The following VAPB variants were observed in gnomAD, a reference collection of about 807,000 sequenced individuals.
The protein encoded by VAPB is VAMP associated protein B and C.
Under a neutral mutation model 25.6 loss-of-function variants are expected in VAPB, and 7 were observed. The observed-to-expected ratio is 0.27, with a 90% CI of 0.16 to 0.51. VAPB has a LOEUF of 0.51. Among genes scored for constraint, VAPB ranks in the 20% least tolerant of loss-of-function variants. The pLI, the probability that VAPB is intolerant of heterozygous loss-of-function variation, is 0.97. For synonymous variants in VAPB, 112 were observed against 109.2 expected, an observed-to-expected ratio of 1.03 and a Z score of -0.16; for missense variants, 266 against 301.3, an observed-to-expected ratio of 0.88 and a Z score of 0.87.
At chr20:58,438,880 T>C (rs1989102935) in intron 3 of VAPB, 65 bp from the exon 4 acceptor site, 13 of 1,388,626 alleles carry the variant, frequency 9.4e-6, no homozygotes, top group Non-Finnish European at 1.1e-5. Flanking sequence ...TTGTCAGTTA[T>C]AGGAAGAAAG....
chr20:58,445,429 C>T lies in VAPB; in HGVS notation c.*1194C>T, dbSNP rs1363078992. 2.2e-6 allele frequency: 1 copy of T among 454,384 alleles called. No homozygotes were observed. Among genetic ancestry groups the T allele is most frequent in the East Asian group, 7.0e-5 (1 of 14,362 alleles). The allele number at this position is 454,384 out of a possible 1,614,324, so 28.1% of individuals were successfully genotyped here. A position where few individuals can be genotyped will look rare whatever the true frequency, so the allele number is the denominator to read the frequency against. On this transcript the variant is annotated 3_prime_UTR_variant, in exon 6 of 6. Transcript: ENST00000475243. ...GGAAGAGAGAAACTCTTCAGCGAATCCTTCTAGTACTAGTTGAGAGTTTGA... is the reference window on the plus strand; with the variant it reads ...GGAAGAGAGAAACTCTTCAGCGAATTCTTCTAGTACTAGTTGAGAGTTTGA...
rs1388018667 is a variant in VAPB at position 58,448,695 on chromosome 20, T to C, written c.*4460T>C. 1 of 453,764 alleles carries C rather than the reference T, an allele frequency of 2.2e-6. No homozygotes were observed. The highest frequency in any genetic ancestry group is 2.4e-5 in the Admixed American group (1 of 42,526). 28.1% of individuals were successfully genotyped at this position (453,764 alleles called of 1,614,324 possible). ...TGTCTGCCTCCGTACCTTATTCAGT[T>C]ATTTTCACACTAAAGTAAGTAGAAT... On this transcript the variant is annotated 3_prime_UTR_variant, in exon 6 of 6. Transcript: ENST00000475243.
chr20:58,414,878 G>A lies in VAPB; in HGVS notation c.59-3333G>A, dbSNP rs550994279. On this transcript the variant is annotated intron_variant, in intron 1 of 5. Coordinates refer to ENST00000475243, the MANE Select transcript of VAPB (RefSeq NM_004738.5). ...CTCTGGGAGGCCAAGGCAGGCGGCTGGGAGGTGGAGGTTGTAGCGAGCCGA... is the reference window on the plus strand; with the variant it reads ...CTCTGGGAGGCCAAGGCAGGCGGCTAGGAGGTGGAGGTTGTAGCGAGCCGA... Among the ~76,000 whole-genome samples the A allele has an allele frequency of 3.7e-4, 56 of 152,344 alleles. No individual in the cohort carries two copies. The East Asian group carries it at 0.01, about 28-fold the overall frequency.
At chr20:58,443,275 T>C (rs548898930) in intron 5 of VAPB, among the ~76,000 whole-genome samples, 1 of 152,142 alleles carries the variant, frequency 6.6e-6, no homozygotes, top group Non-Finnish European at 1.5e-5. Context: ...GATGAGTGTA[T>C]GAAGGCCAGT....
chr20:58,442,455 C>T (rs6100067), intron 5 of VAPB, among the ~76,000 whole-genome samples: 51,168 of 151,848 alleles, frequency 0.34, 8,956 homozygotes, highest in African/African-American at 0.36. Flanking sequence ...TTTAGTTTGC[C>T]GGGTTTTTTT....
intron 4 of VAPB, chr20:58,439,270 A>T (rs1989111915): frequency 3.9e-6 from 2 of 510,074 alleles, no homozygotes. Context: ...GGCCATTGAG[A>T]TGTCATAAAT....
rs1335215960 is a variant in VAPB, at chr20:58,446,877, C to A, written c.*2642C>A. ...CCTGGAGGACTTGGAGATGCATGCA[C>A]ATTTAGGGTGTTTTCCCTAGAATTA... On this transcript the variant is annotated 3_prime_UTR_variant, in exon 6 of 6. Coordinates refer to ENST00000475243, the MANE Select transcript of VAPB (RefSeq NM_004738.5). 2 of 453,946 alleles carry A rather than the reference C, an allele frequency of 4.4e-6. No individual in the cohort carries two copies. Among genetic ancestry groups the A allele is most frequent in the Non-Finnish European group, 8.8e-6 (2 of 226,784 alleles). The allele number at this position is 453,946 out of a possible 1,614,324, so 28.1% of individuals were successfully genotyped here.
intron 1 of VAPB, among the ~76,000 whole-genome samples, chr20:58,408,021 C>G (rs1284516395): frequency 3.9e-5 from 6 of 152,058 alleles, no homozygotes; most frequent in Non-Finnish European, 7.4e-5. Context: ...AGCATGTCTT[C>G]CAGTTTAGTT....
intron 2 of VAPB, among the ~76,000 whole-genome samples, chr20:58,425,409 C>T (rs1279233473): frequency 1.3e-5 from 2 of 152,188 alleles, no homozygotes; most frequent in East Asian, 3.8e-4. Context: ...GAGCATGATT[C>T]AGGAACGCTT....
intron 1 of VAPB, among the ~76,000 whole-genome samples, chr20:58,414,254 C>T (rs1286418399): frequency 2.1e-5 from 3 of 142,900 alleles, no homozygotes; most frequent in Middle Eastern, 4.1e-3. Context: ...CTGGACGGGG[C>T]GGCTGGCGGG....
chr20:58,422,971 G>A (rs565096094), intron 2 of VAPB, among the ~76,000 whole-genome samples: 1 of 152,196 alleles, frequency 6.6e-6, no homozygotes, highest in East Asian at 1.9e-4. Flanking sequence ...ATTGAAAATG[G>A]ATTAAAGACA....
rs1262990042 is a variant in VAPB at position 58,389,381 on chromosome 20, G to C, written c.-79G>C. 1 of 1,358,678 alleles carries C rather than the reference G, an allele frequency of 7.4e-7. No individual in the cohort carries two copies. The highest frequency in any genetic ancestry group is 3.2e-5 in the East Asian group (1 of 30,978). 84.2% of individuals were successfully genotyped at this position (1,358,678 alleles called of 1,614,324 possible). A position where few individuals can be genotyped will look rare whatever the true frequency, so the allele number is the denominator to read the frequency against. ...TCCCCGCCTTTTTGTAAAACTTAAA[G>C]CGGGCGCAGCATTAACGCTTCCCGC... On this transcript the variant is annotated 5_prime_UTR_variant, in exon 1 of 6. Coordinates refer to ENST00000475243, the MANE Select transcript of VAPB (RefSeq NM_004738.5).
intron 2 of VAPB, among the ~76,000 whole-genome samples, chr20:58,427,930 C>T (rs1366912927): frequency 6.9e-6 from 1 of 145,254 alleles, no homozygotes; most frequent in Non-Finnish European, 1.5e-5. Flanking sequence ...GGAAAGTGAT[C>T]TGTGATCTGT....
chr20:58,397,070 A>G (rs80106150), intron 1 of VAPB, among the ~76,000 whole-genome samples: 2 of 152,270 alleles, frequency 1.3e-5, no homozygotes, highest in Admixed American at 1.3e-4. Context: ...TCTTAAGAAC[A>G]TCAATTCATT....
intron 2 of VAPB, among the ~76,000 whole-genome samples, chr20:58,425,699 CCAG>C (rs1479358849): frequency 1.3e-5 from 2 of 151,922 alleles, no homozygotes; most frequent in African/African-American, 4.8e-5. Context: ...GTACCCTGGG[CCAG>C]CAGCAGCAGC....
At chr20:58,391,309 GATGAGAATA>G in intron 1 of VAPB, among the ~76,000 whole-genome samples, 1 of 152,278 alleles carries the variant, frequency 6.6e-6, no homozygotes, top group South Asian at 2.1e-4. Flanking sequence ...GAAGGGGGCA[GATGAGAATA>G]ACAGCCAGGA....
At chr20:58,443,351 A>G (rs1297279722) in intron 5 of VAPB, among the ~76,000 whole-genome samples, 2 of 148,972 alleles carry the variant, frequency 1.3e-5, no homozygotes, top group Non-Finnish European at 3.0e-5. Flanking sequence ...AGTACCAGCT[A>G]TCTACAGAGC....
chr20:58,423,909 A>G (rs1320813758), intron 2 of VAPB, among the ~76,000 whole-genome samples: 1 of 152,242 alleles, frequency 6.6e-6, no homozygotes, highest in Non-Finnish European at 1.5e-5. Flanking sequence ...AACAAAAAGT[A>G]GAAAAAAGAA....
intron 1 of VAPB, among the ~76,000 whole-genome samples, chr20:58,412,254 C>T (rs1982634399): frequency 6.6e-6 from 1 of 152,002 alleles, no homozygotes; most frequent in African/African-American, 2.4e-5. Context: ...TATACTTTAG[C>T]CTTTATTTTT....
Sources: gnomAD v4.1 joint callset for allele counts (sites outside exome capture counted in the v4.1 genomes callset) on GRCh38, gnomAD v4.1.1 for gene constraint, MANE v1.5 for transcripts, NCBI Gene and HGNC (gene_info 2026-07-23, HGNC 2026-07-21) for gene names.